The following GALNTL6 variants were observed in gnomAD, a reference collection of about 807,000 sequenced individuals.
The protein encoded by GALNTL6 is polypeptide N-acetylgalactosaminyltransferase like 6.
A neutral mutation model predicts 73.7 loss-of-function variants in GALNTL6; 46 were observed. The observed-to-expected ratio is 0.62, with a 90% CI of 0.49 to 0.80. GALNTL6 has a LOEUF of 0.80. Among genes scored for constraint, GALNTL6 ranks in the 30% least tolerant of loss-of-function variants. The probability of loss-of-function intolerance (pLI) is 0.00; values close to 1 mark genes in which losing one functional copy is unlikely to be tolerated. For missense variants in GALNTL6, 604 were observed against 755.0 expected (o/e 0.80, Z 2.34); for synonymous variants, 259 against 263.7 (o/e 0.98, Z 0.17).
intron 5 of GALNTL6, among the ~76,000 whole-genome samples, chr4:172,487,127 G>A (rs1443456617): frequency 1.3e-5 from 2 of 151,748 alleles, no homozygotes; most frequent in Non-Finnish European, 2.9e-5. Flanking sequence ...AGTAATTCAA[G>A]TATAATAAAA....
At chr4:172,695,770 A>C (rs1046834190) in intron 5 of GALNTL6, among the ~76,000 whole-genome samples, 5 of 152,104 alleles carry the variant, frequency 3.3e-5, no homozygotes, top group African/African-American at 1.2e-4. Flanking sequence ...ACATGGTGAA[A>C]CCCTGTCTCT....
intron 2 of GALNTL6, among the ~76,000 whole-genome samples, chr4:171,916,722 GA>G (rs889697811): frequency 3.9e-5 from 6 of 151,932 alleles, no homozygotes; most frequent in Non-Finnish European, 8.8e-5. Context: ...TACTTTAGGG[GA>G]AAAAGTTTCA....
intron 5 of GALNTL6, among the ~76,000 whole-genome samples, chr4:172,690,627 G>A (rs1214163297): frequency 6.6e-6 from 1 of 152,170 alleles, no homozygotes; most frequent in African/African-American, 2.4e-5. Flanking sequence ...GGTCACCTGA[G>A]CACATCACAT....
chr4:172,404,578 C>T (rs552883811), intron 5 of GALNTL6, among the ~76,000 whole-genome samples: 9 of 151,186 alleles, frequency 6.0e-5, no homozygotes, highest in African/African-American at 2.2e-4. Context: ...ATATTCTGAA[C>T]ACAAATCTTG....
intron 4 of GALNTL6, among the ~76,000 whole-genome samples, chr4:172,318,372 T>C (rs1190065042): frequency 1.3e-5 from 2 of 152,116 alleles, no homozygotes; most frequent in African/African-American, 2.4e-5. Context: ...CATTAACCTT[T>C]TGGAGTGACT....
rs1753863723 is a variant in GALNTL6, at chr4:173,040,667, C to T, written c.*567C>T. Reference sequence around the variant, plus strand: ...TTATTTTTATTTTTAAATGAGGGTGCAATATCTAATGTAAGACTTAAATTA... The same window carrying T: ...TTATTTTTATTTTTAAATGAGGGTGTAATATCTAATGTAAGACTTAAATTA... On this transcript the variant is annotated 3_prime_UTR_variant, in exon 13 of 13. Transcript: ENST00000506823. 6.6e-6 allele frequency: 1 copy of T among 152,470 alleles called. No homozygotes were observed. Among genetic ancestry groups the T allele is most frequent in the Admixed American group, 6.6e-5 (1 of 15,256 alleles). 9.4% of individuals were successfully genotyped at this position (152,470 alleles called of 1,614,324 possible).
chr4:172,714,207 G>A (rs1415270073), intron 5 of GALNTL6, among the ~76,000 whole-genome samples: 1 of 152,086 alleles, frequency 6.6e-6, no homozygotes, highest in Non-Finnish European at 1.5e-5. Context: ...ATCCAGAAAT[G>A]AACAAGGACA....
At chr4:172,832,530 A>G (rs1324100971) in intron 7 of GALNTL6, among the ~76,000 whole-genome samples, 1 of 152,206 alleles carries the variant, frequency 6.6e-6, no homozygotes, top group Non-Finnish European at 1.5e-5. Flanking sequence ...TTCTTCTTCT[A>G]AGCTGCAAAG....
Position 172,390,739 on chromosome 4 carries a change from C to T in GALNTL6, c.553+42050C>T, listed in dbSNP as rs563161815. On this transcript the variant is annotated intron_variant, in intron 5 of 12. Transcript: ENST00000506823. ...AAATAATAAATATAACTAAGTATGA[C>T]GTAAAATGCGATATTTTGTTCAAAT... is the stretch of plus-strand genomic sequence containing the variant. Among the ~76,000 whole-genome samples the T allele has an allele frequency of 7.9e-5, 12 of 151,892 alleles. No individual in the cohort carries two copies. In the South Asian group the frequency reaches 1.5e-3, roughly 18 times the overall value.
At position 171,974,047 on chromosome 4, in the gene GALNTL6, T is replaced by A. The variant is rs186971598; in HGVS notation, c.138+159329T>A. On this transcript the variant is annotated intron_variant, in intron 2 of 12. Transcript: ENST00000506823. ...AAGAGTCTTGCTCTGTCACCCAGGCTGGAGTGCAGTGGCGAGATCTCAGCT... is the reference window on the plus strand; with the variant it reads ...AAGAGTCTTGCTCTGTCACCCAGGCAGGAGTGCAGTGGCGAGATCTCAGCT... 8.7e-4 allele frequency among the ~76,000 whole-genome samples: 133 copies of A among 152,292 alleles called. 1 individual carries two copies. Among genetic ancestry groups the A allele is most frequent in the Non-Finnish European group, 2.9e-5 (2 of 68,026 alleles).
At chr4:171,935,441 G>A (rs1738310181) in intron 2 of GALNTL6, among the ~76,000 whole-genome samples, 1 of 152,116 alleles carries the variant, frequency 6.6e-6, no homozygotes, top group Non-Finnish European at 1.5e-5. Flanking sequence ...AGGCTACATT[G>A]ACCCTGTTGA....
chr4:171,913,137 A>G (rs1737521548), intron 2 of GALNTL6, among the ~76,000 whole-genome samples: 2 of 152,176 alleles, frequency 1.3e-5, no homozygotes, highest in East Asian at 3.8e-4. Flanking sequence ...GAAACCATGA[A>G]TTGGTACAAA....
intron 10 of GALNTL6, among the ~76,000 whole-genome samples, chr4:172,960,446 T>C (rs1026298096): frequency 3.3e-5 from 5 of 152,060 alleles, no homozygotes; most frequent in African/African-American, 1.2e-4. Flanking sequence ...AATTGGGACC[T>C]GGCTCAGCCT....
Position 172,327,513 on chromosome 4 carries a change from T to C in GALNTL6, c.386+15761T>C, listed in dbSNP as rs182486144. On this transcript the variant is annotated intron_variant, in intron 4 of 12. Coordinates refer to ENST00000506823, the MANE Select transcript of GALNTL6 (RefSeq NM_001034845.3). ...GTGGTGTTGAAGTCTCCCAGTGTTATTGTGTGAGAGTCTAAACCTCTTGGT... is the reference window on the plus strand; with the variant it reads ...GTGGTGTTGAAGTCTCCCAGTGTTACTGTGTGAGAGTCTAAACCTCTTGGT... Among the ~76,000 whole-genome samples the C allele has an allele frequency of 2.0e-3, 301 of 152,318 alleles. 1 individual carries two copies. Among genetic ancestry groups the C allele is most frequent in the African/African-American group, 6.8e-3 (283 of 41,572 alleles).
intron 2 of GALNTL6, among the ~76,000 whole-genome samples, chr4:171,888,774 C>T (rs927152446): frequency 3.9e-5 from 6 of 152,066 alleles, no homozygotes; most frequent in Non-Finnish European, 7.4e-5. Context: ...AATAATGCTT[C>T]TCCTGAATAC....
At chr4:172,710,181 C>A (rs904031195) in intron 5 of GALNTL6, among the ~76,000 whole-genome samples, 1 of 152,076 alleles carries the variant, frequency 6.6e-6, no homozygotes, top group Non-Finnish European at 1.5e-5. Context: ...GCATTCTAAT[C>A]GTTTGCTGGG....
At chr4:172,604,906 T>C (rs1169247209) in intron 5 of GALNTL6, among the ~76,000 whole-genome samples, 1 of 152,200 alleles carries the variant, frequency 6.6e-6, no homozygotes, top group Non-Finnish European at 1.5e-5. Context: ...CAGATTTTGC[T>C]CTTTCTGAAG....
intron 2 of GALNTL6, among the ~76,000 whole-genome samples, chr4:171,842,740 A>G (rs766348716): frequency 3.3e-5 from 5 of 152,138 alleles, no homozygotes; most frequent in Non-Finnish European, 5.9e-5. Flanking sequence ...TAAGCCATTT[A>G]TAAGGAATCC....
intron 11 of GALNTL6, among the ~76,000 whole-genome samples, chr4:173,010,403 C>T (rs1752493752): frequency 6.6e-6 from 1 of 152,114 alleles, no homozygotes; most frequent in African/African-American, 2.4e-5. Context: ...TTTCTTTATT[C>T]ATTCATCTAT....
Sources: gnomAD v4.1 joint callset for allele counts (sites outside exome capture counted in the v4.1 genomes callset) on GRCh38, gnomAD v4.1.1 for gene constraint, MANE v1.5 for transcripts, NCBI Gene and HGNC (gene_info 2026-07-23, HGNC 2026-07-21) for gene names.